CDH8: variants seen among roughly 807,000 people sequenced by gnomAD.
The protein encoded by CDH8 is cadherin-8.
A neutral mutation model predicts 68.1 loss-of-function variants in CDH8; 17 were observed. The observed-to-expected ratio is 0.25, with a 90% CI of 0.17 to 0.37. CDH8 has a LOEUF of 0.37. Ranked by LOEUF, CDH8 falls within the 10% of genes least tolerant of loss-of-function variation. The pLI, the probability that CDH8 is intolerant of heterozygous loss-of-function variation, is 1.00. For missense variants in CDH8, 763 were observed against 999.3 expected (o/e 0.76, Z 3.19); for synonymous variants, 372 against 365.1 (o/e 1.02, Z -0.21).
At position 61,652,794 on chromosome 16, in the gene CDH8, C is replaced by A; in HGVS notation, c.*814G>T. On this transcript the variant is annotated 3_prime_UTR_variant, in exon 12 of 12. Coordinates refer to ENST00000577390, the MANE Select transcript of CDH8 (RefSeq NM_001796.5). ...AGGATTAAACAAATAAATTCACGCG[C>A]TAGCAATAAAACCATCTGTCTCTTA... 1 of 1,352,666 alleles carries A rather than the reference C, an allele frequency of 7.4e-7. No individual in the cohort carries two copies. The highest frequency in any genetic ancestry group is 9.5e-7 in the Non-Finnish European group (1 of 1,049,686). 83.8% of individuals were successfully genotyped at this position (1,352,666 alleles called of 1,614,324 possible).
chr16:61,941,122 A>G (rs550402702), intron 2 of CDH8, among the ~76,000 whole-genome samples: 1 of 152,338 alleles, frequency 6.6e-6, no homozygotes, highest in South Asian at 2.1e-4. Flanking sequence ...AATTGTCACA[A>G]TCCACAAGAA....
chr16:61,851,672 T>C (rs748413375), intron 4 of CDH8, among the ~76,000 whole-genome samples: 1 of 151,830 alleles, frequency 6.6e-6, no homozygotes, highest in Non-Finnish European at 1.5e-5. Context: ...AAAAAAAACA[T>C]TTTAAGAATA....
intron 7 of CDH8, among the ~76,000 whole-genome samples, chr16:61,791,351 G>A (rs1326208570): frequency 6.6e-6 from 1 of 151,914 alleles, no homozygotes; most frequent in Admixed American, 6.6e-5. Context: ...AAGACCAAAA[G>A]CCATTTTCCT....
In CDH8 at chr16:61,885,684, T is replaced by C. The variant is rs1963659418; in HGVS notation, c.547+15495A>G. 2.7e-5 allele frequency among the ~76,000 whole-genome samples: 4 copies of C among 145,552 alleles called. No homozygotes were observed. The South Asian group carries it at 8.6e-4, about 31-fold the overall frequency. On this transcript the variant is annotated intron_variant, in intron 3 of 11. Transcript: ENST00000577390. The stretch of plus-strand genomic sequence containing the variant: ...ATTATCACCTAATGGTAACAGCAGC[T>C]CTAATAATTACACAGGAATAGCAAT...
chr16:61,808,348 TA>T (rs369615375), intron 7 of CDH8, among the ~76,000 whole-genome samples: 12 of 148,364 alleles, frequency 8.1e-5, no homozygotes, highest in Admixed American at 2.0e-4. Context: ...AATGAGCAGG[TA>T]AAAAAAAAAT....
At chr16:61,825,375 A>C (rs1206584106) in intron 4 of CDH8, among the ~76,000 whole-genome samples, 196 bp from the exon 5 acceptor site, 2 of 151,932 alleles carry the variant, frequency 1.3e-5, no homozygotes, top group Non-Finnish European at 2.9e-5. Context: ...ACATTTACAG[A>C]TAATTTGCAA....
At chr16:61,982,462 G>A (rs1490915996) in intron 2 of CDH8, among the ~76,000 whole-genome samples, 2 of 151,938 alleles carry the variant, frequency 1.3e-5, no homozygotes, top group African/African-American at 2.4e-5. Flanking sequence ...CTCGTGATCC[G>A]CCCGCCTCGG....
intron 4 of CDH8, among the ~76,000 whole-genome samples, chr16:61,828,000 C>A (rs772704058): frequency 1.3e-5 from 2 of 151,820 alleles, no homozygotes; most frequent in South Asian, 2.1e-4. Context: ...AAGGCTGAGA[C>A]CTTCTGAGCT....
intron 2 of CDH8, among the ~76,000 whole-genome samples, chr16:61,963,506 G>T (rs1044955670): frequency 6.6e-6 from 1 of 152,170 alleles, no homozygotes; most frequent in African/African-American, 2.4e-5. Flanking sequence ...ATTAAATTCT[G>T]TCTAGATGCT....
At chr16:61,944,064 G>A (rs2143553383) in intron 2 of CDH8, among the ~76,000 whole-genome samples, 1 of 152,326 alleles carries the variant, frequency 6.6e-6, no homozygotes, top group South Asian at 2.1e-4. Flanking sequence ...AATAGGAGTT[G>A]TGTGTCTTTT....
intron 3 of CDH8, among the ~76,000 whole-genome samples, chr16:61,861,951 T>C (rs1420307843): frequency 6.6e-6 from 1 of 152,220 alleles, no homozygotes; most frequent in African/African-American, 2.4e-5. Flanking sequence ...CAATTTTAGA[T>C]GGTAGTGAAT....
intron 1 of CDH8, among the ~76,000 whole-genome samples, chr16:62,022,641 C>A (rs1343911001): frequency 6.6e-6 from 1 of 152,146 alleles, no homozygotes; most frequent in African/African-American, 2.4e-5. Context: ...GTTCTCAGGA[C>A]ACCCTCGGGG....
intron 2 of CDH8, among the ~76,000 whole-genome samples, chr16:61,949,871 C>T (rs2143578095): frequency 6.6e-6 from 1 of 151,980 alleles, no homozygotes; most frequent in African/African-American, 2.4e-5. Context: ...TGCCTGTAGT[C>T]CCAACTCTCA....
chr16:61,673,516 A>G (rs960759316), intron 10 of CDH8, among the ~76,000 whole-genome samples: 2 of 152,160 alleles, frequency 1.3e-5, no homozygotes, highest in Non-Finnish European at 2.9e-5. Context: ...TCCATGATGC[A>G]TGGTTCTAGA....
At chr16:61,768,007 T>C (rs549227339) in intron 8 of CDH8, among the ~76,000 whole-genome samples, 1 of 152,016 alleles carries the variant, frequency 6.6e-6, no homozygotes, top group South Asian at 2.1e-4. Context: ...TTTTGTAAAG[T>C]ACTTGGGTGA....
chr16:62,016,980 A>T lies in CDH8; in HGVS notation c.252+4172T>A, dbSNP rs1267005784. ...ACTTTCAAAATCAATACATAAAAAAAATTGTTAACTACCCAGGTGGTCTAT... is the reference window on the plus strand; with the variant it reads ...ACTTTCAAAATCAATACATAAAAAATATTGTTAACTACCCAGGTGGTCTAT... On this transcript the variant is annotated intron_variant, in intron 2 of 11. Coordinates refer to ENST00000577390, the MANE Select transcript of CDH8 (RefSeq NM_001796.5). Among the ~76,000 whole-genome samples, 4 of 152,228 alleles carry T rather than the reference A, an allele frequency of 2.6e-5. No homozygotes were observed. In the East Asian group the frequency reaches 7.7e-4, roughly 29 times the overall value.
chr16:62,022,519 A>G (rs1431663752), intron 1 of CDH8, among the ~76,000 whole-genome samples: 1 of 152,174 alleles, frequency 6.6e-6, no homozygotes, highest in African/African-American at 2.4e-5. Flanking sequence ...GCTTACCCTC[A>G]GCGTGGCAAA....
At chr16:61,677,491 C>A (rs1047292016) in intron 10 of CDH8, among the ~76,000 whole-genome samples, 9 of 151,918 alleles carry the variant, frequency 5.9e-5, no homozygotes, top group African/African-American at 2.2e-4. Flanking sequence ...CCTACTAGGA[C>A]TGGGGTTTCC....
intron 2 of CDH8, among the ~76,000 whole-genome samples, chr16:61,902,532 T>C (rs901529144): frequency 6.6e-6 from 1 of 151,562 alleles, no homozygotes; most frequent in Non-Finnish European, 1.5e-5. Flanking sequence ...ACTCAGTTAC[T>C]TAACTGCCAA....
Sources: allele counts gnomAD v4.1 joint callset (sites outside exome capture counted in the v4.1 genomes callset), GRCh38; gene constraint gnomAD v4.1.1; transcripts MANE v1.5; gene names NCBI Gene and HGNC (gene_info 2026-07-23, HGNC 2026-07-21).